CDC14A: variants seen among roughly 807,000 people sequenced by gnomAD.
CDC14A encodes the protein cell division cycle 14A, also known as dual specificity protein phosphatase CDC14A.
Under a neutral mutation model 74.4 loss-of-function variants are expected in CDC14A, and 53 were observed. That is an observed-to-expected ratio of 0.71 (90% confidence interval 0.57 to 0.89). CDC14A has a LOEUF of 0.89. CDC14A is among the 40% of genes least tolerant of loss of function. The probability of loss-of-function intolerance (pLI) is 0.00; values close to 1 mark genes in which losing one functional copy is unlikely to be tolerated. For synonymous variants in CDC14A, 247 were observed against 258.4 expected (o/e 0.96, Z 0.43); for missense variants, 646 against 713.7 (o/e 0.91, Z 1.08).
At chr1:100,356,754 T>C (rs1269929848) in intron 2 of CDC14A, among the ~76,000 whole-genome samples, 1 of 149,884 alleles carries the variant, frequency 6.7e-6, no homozygotes, top group Non-Finnish European at 1.5e-5. Flanking sequence ...CTTGGGAGGC[T>C]GAGGCAGGAG....
chr1:100,511,442 A>G (rs893336409), intron 15 of CDC14A, among the ~76,000 whole-genome samples: 7 of 151,826 alleles, frequency 4.6e-5, no homozygotes, highest in Non-Finnish European at 1.5e-5. Flanking sequence ...TAGTCCTTCT[A>G]CTCCTAAGCC....
intron 11 of CDC14A, chr1:100,485,759 C>G (rs1382365577): frequency 6.6e-6 from 1 of 152,150 alleles, no homozygotes; most frequent in East Asian, 1.9e-4. Context: ...GCATCCCAAA[C>G]AGATTTCTTT....
At chr1:100,496,875 T>C (rs1647918513) in intron 13 of CDC14A, among the ~76,000 whole-genome samples, 2 of 152,194 alleles carry the variant, frequency 1.3e-5, no homozygotes, top group Non-Finnish European at 2.9e-5. Context: ...TATTAAATGA[T>C]TTATCTAGGA....
At chr1:100,430,414 T>C (rs373215128) in intron 5 of CDC14A, among the ~76,000 whole-genome samples, 26 of 152,156 alleles carry the variant, frequency 1.7e-4, no homozygotes, top group Admixed American at 9.8e-4. Context: ...TTTGTTGTGT[T>C]TTGGGGGATG....
At chr1:100,387,440 G>C (rs1318882641) in intron 3 of CDC14A, among the ~76,000 whole-genome samples, 1 of 152,118 alleles carries the variant, frequency 6.6e-6, no homozygotes, top group Non-Finnish European at 1.5e-5. Flanking sequence ...AAACTTAACC[G>C]AGGAAACTGA....
At chr1:100,459,116 CACACACACACAGAG>C (rs1293541736) in intron 8 of CDC14A, among the ~76,000 whole-genome samples, 4 of 147,958 alleles carry the variant, frequency 2.7e-5, no homozygotes, top group Admixed American at 6.7e-5. Context: ...CACACACACA[CACACACACACAGAG>C]AGAGAGAGAG....
At position 100,497,393 on chromosome 1, in the gene CDC14A, G is replaced by A. The variant is rs144012198; in HGVS notation, c.1299-692G>A. Among the ~76,000 whole-genome samples, 506 of 152,302 alleles carry A rather than the reference G, an allele frequency of 3.3e-3. 11 individuals carry two copies. Among genetic ancestry groups the A allele is most frequent in the Admixed American group, 0.023 (356 of 15,300 alleles). ...ATAGAGATGTCCAATGGGAAAGTGT[G>A]GAAAGAAGGACCTGTCCAGATTTTG... On this transcript the variant is annotated intron_variant, in intron 13 of 15. Coordinates refer to ENST00000336454, the MANE Select transcript of CDC14A (RefSeq NM_003672.4).
At chr1:100,480,233 T>A (rs545045352) in intron 10 of CDC14A, among the ~76,000 whole-genome samples, 1 of 152,214 alleles carries the variant, frequency 6.6e-6, no homozygotes, top group South Asian at 2.1e-4. Context: ...ATTCCTCATA[T>A]AAATGGAATC....
At chr1:100,353,616 G>C in intron 1 of CDC14A, 146 bp from the exon 2 acceptor site, 1 of 597,072 alleles carries the variant, frequency 1.7e-6, no homozygotes, top group Non-Finnish European at 3.0e-6. Flanking sequence ...TGAGTCTCTA[G>C]CTTTCTGGGA....
chr1:100,509,751 C>T (rs1649559366), intron 15 of CDC14A, among the ~76,000 whole-genome samples: 1 of 152,178 alleles, frequency 6.6e-6, no homozygotes, highest in Admixed American at 6.5e-5. Flanking sequence ...TAGTGAATGT[C>T]TAAACAACTC....
upstream of CDC14A, chr1:100,351,774 C>T: frequency 1.9e-6 from 3 of 1,550,548 alleles, no homozygotes; most frequent in Non-Finnish European, 1.7e-6. Flanking sequence ...ACTTTTTGTC[C>T]CGTGAGAACA....
chr1:100,499,421 C>T, intron 15 of CDC14A, 159 bp downstream of exon 15: 1 of 1,532,230 alleles, frequency 6.5e-7, no homozygotes, highest in East Asian at 2.3e-5. Flanking sequence ...CTATGCACTA[C>T]ATTCTGCTAG....
chr1:100,397,674 G>C (rs1419673108), intron 4 of CDC14A, among the ~76,000 whole-genome samples: 1 of 151,382 alleles, frequency 6.6e-6, no homozygotes, highest in Non-Finnish European at 1.5e-5. Flanking sequence ...TAAGTTCAGA[G>C]TTAAAGAAAT....
intron 11 of CDC14A, among the ~76,000 whole-genome samples, chr1:100,491,184 A>G (rs1670579717): frequency 6.6e-6 from 1 of 152,144 alleles, no homozygotes; most frequent in Non-Finnish European, 1.5e-5. Flanking sequence ...CCATAAAACG[A>G]CAGAGATTTA....
chr1:100,432,414 TA>T (rs1280537822), intron 5 of CDC14A, among the ~76,000 whole-genome samples: 1 of 152,208 alleles, frequency 6.6e-6, no homozygotes, highest in Non-Finnish European at 1.5e-5. Flanking sequence ...TGTTAGCTAG[TA>T]GCTACATGTG....
chr1:100,391,043 C>T (rs1657630506), intron 4 of CDC14A: 8 of 568,132 alleles, frequency 1.4e-5, no homozygotes, highest in African/African-American at 5.7e-5. Context: ...CTTGAAACTG[C>T]AATATGTAGC....
intron 9 of CDC14A, 61 bp from the exon 10 acceptor site, chr1:100,467,895 G>A: frequency 2.7e-6 from 4 of 1,475,152 alleles, no homozygotes; most frequent in South Asian, 2.8e-5. Flanking sequence ...TTTGATTTCA[G>A]TGTTTTTGTG....
At chr1:100,500,556 G>A (rs1268730982) in intron 15 of CDC14A, among the ~76,000 whole-genome samples, 4 of 151,830 alleles carry the variant, frequency 2.6e-5, no homozygotes, top group African/African-American at 7.3e-5. Context: ...TCAGGAGTTC[G>A]AGACCAGCCT....
At chr1:100,390,686 C>T (rs1459663939) in intron 3 of CDC14A, 46 bp from the exon 4 acceptor site, 1 of 1,249,250 alleles carries the variant, frequency 8.0e-7, no homozygotes. Flanking sequence ...TATATGTTAA[C>T]TTTGTCTCTA....
Sources: gnomAD v4.1 joint callset for allele counts (sites outside exome capture counted in the v4.1 genomes callset) on GRCh38, gnomAD v4.1.1 for gene constraint, MANE v1.5 for transcripts, NCBI Gene and HGNC (gene_info 2026-07-23, HGNC 2026-07-21) for gene names.